KCNMA1: variants seen among roughly 807,000 people sequenced by gnomAD.
KCNMA1 encodes the protein Calcium-activated potassium channel subunit alpha-1.
Under a neutral mutation model 140.0 loss-of-function variants are expected in KCNMA1, and 29 were observed. That is an observed-to-expected ratio of 0.21 (90% CI 0.15 to 0.28). KCNMA1 has a LOEUF of 0.28. KCNMA1 is among the 10% of genes least tolerant of loss of function. The pLI, the probability that KCNMA1 is intolerant of heterozygous loss-of-function variation, is 1.00. For missense variants in KCNMA1, 880 were observed against 1,602.2 expected (o/e 0.55, Z 7.70); for synonymous variants, 612 against 611.9 (o/e 1.00, Z 0.00).
intron 14 of KCNMA1, among the ~76,000 whole-genome samples, chr10:77,046,648 TCTC>T (rs1294915875): frequency 1.3e-5 from 2 of 152,206 alleles, no homozygotes; most frequent in African/African-American, 4.8e-5. Flanking sequence ...TGTCAGATTC[TCTC>T]CTCCTCTATT....
At chr10:77,284,222 G>T (rs1404872649) in intron 2 of KCNMA1, among the ~76,000 whole-genome samples, 2 of 151,954 alleles carry the variant, frequency 1.3e-5, no homozygotes, top group Admixed American at 6.6e-5. Context: ...AAGAAGAGAG[G>T]TTTCCTATGA....
chr10:77,501,162 T>C (rs2043746760), intron 1 of KCNMA1, among the ~76,000 whole-genome samples: 3 of 152,350 alleles, frequency 2.0e-5, no homozygotes, highest in East Asian at 3.9e-4. Context: ...AACCTCTCTA[T>C]GCCTCCATTA....
chr10:77,109,338 T>A (rs1456812995), intron 8 of KCNMA1, among the ~76,000 whole-genome samples: 2 of 152,140 alleles, frequency 1.3e-5, no homozygotes, highest in Non-Finnish European at 2.9e-5. Flanking sequence ...CATATAAATG[T>A]GCGCACGGTG....
chr10:76,931,623 G>A (rs2059310752), intron 23 of KCNMA1, among the ~76,000 whole-genome samples: 1 of 152,108 alleles, frequency 6.6e-6, no homozygotes, highest in African/African-American at 2.4e-5. Flanking sequence ...CAACATCAGG[G>A]CTCCTACCAC....
chr10:77,301,732 T>C (rs971061043), intron 2 of KCNMA1, among the ~76,000 whole-genome samples: 51 of 151,568 alleles, frequency 3.4e-4, no homozygotes, highest in African/African-American at 1.2e-3. Context: ...CATTTCCACA[T>C]GTATGCAGAT....
intron 9 of KCNMA1, among the ~76,000 whole-genome samples, chr10:77,099,604 C>T (rs146067279): frequency 0.01 from 1,584 of 151,912 alleles, 15 homozygotes; most frequent in Non-Finnish European, 0.016. Context: ...ATCCCAGCTA[C>T]TCGAGGGGCT....
chr10:77,501,053 A>G (rs961391353), intron 1 of KCNMA1, among the ~76,000 whole-genome samples: 2 of 152,254 alleles, frequency 1.3e-5, no homozygotes, highest in Admixed American at 1.3e-4. Flanking sequence ...CTCAAGGCTA[A>G]GACCCACCAA....
Position 77,123,526 on chromosome 10 carries a change from G to A in KCNMA1, c.809-2478C>T, listed in dbSNP as rs151290555. Among the ~76,000 whole-genome samples, 1,466 of 152,200 alleles carry A rather than the reference G, an allele frequency of 9.6e-3. 28 individuals are homozygous for A. The highest frequency in any genetic ancestry group is 0.034 in the African/African-American group (1,401 of 41,498). On this transcript the variant is annotated intron_variant, in intron 5 of 27. Transcript: ENST00000286628. ...CATACCAGTATCACTGTCGCATATT[G>A]CTGAGCTAAAACGACAAATGTAGAA...
intron 1 of KCNMA1, among the ~76,000 whole-genome samples, chr10:77,451,883 T>TAAGAAA (rs1375115242): frequency 6.6e-6 from 1 of 152,192 alleles, no homozygotes; most frequent in East Asian, 1.9e-4. Context: ...TTGAAATGTA[T>TAAGAAA]AAGACTTTCA....
chr10:77,414,802 T>C (rs1400356166), intron 1 of KCNMA1, among the ~76,000 whole-genome samples: 4 of 152,138 alleles, frequency 2.6e-5, no homozygotes, highest in Non-Finnish European at 5.9e-5. Flanking sequence ...AAGGTAGGAA[T>C]GTCATGAGGC....
intron 1 of KCNMA1, among the ~76,000 whole-genome samples, chr10:77,620,089 G>T (rs1034239956): frequency 6.6e-6 from 1 of 152,232 alleles, no homozygotes; most frequent in Non-Finnish European, 1.5e-5. Flanking sequence ...GCTCCTGACC[G>T]TGAGGGGTCA....
chr10:77,487,718 G>T (rs2098477628), intron 1 of KCNMA1, among the ~76,000 whole-genome samples: 1 of 152,178 alleles, frequency 6.6e-6, no homozygotes, highest in Non-Finnish European at 1.5e-5. Context: ...TTTAAAAATT[G>T]TTAATTAAGG....
intron 5 of KCNMA1, among the ~76,000 whole-genome samples, chr10:77,158,926 T>C (rs996259041): frequency 6.6e-6 from 1 of 152,218 alleles, no homozygotes; most frequent in African/African-American, 2.4e-5. Flanking sequence ...GCAAGAACTG[T>C]GGTAATAACC....
At chr10:77,237,794 G>A (rs978807262) in intron 3 of KCNMA1, among the ~76,000 whole-genome samples, 1 of 152,154 alleles carries the variant, frequency 6.6e-6, no homozygotes, top group Non-Finnish European at 1.5e-5. Flanking sequence ...GAGTGGAAAG[G>A]GCACAGATGA....
intron 2 of KCNMA1, among the ~76,000 whole-genome samples, chr10:77,384,032 C>A (rs1232071882): frequency 1.3e-5 from 2 of 152,218 alleles, no homozygotes; most frequent in Non-Finnish European, 2.9e-5. Context: ...CTCTCTGGGG[C>A]AGTTTGCGAT....
At chr10:77,492,002 A>G (rs1162186893) in intron 1 of KCNMA1, among the ~76,000 whole-genome samples, 4 of 152,132 alleles carry the variant, frequency 2.6e-5, no homozygotes, top group African/African-American at 9.7e-5. Flanking sequence ...ATGGGCGAGC[A>G]TCTTGTACGC....
intron 16 of KCNMA1, among the ~76,000 whole-genome samples, chr10:77,025,281 T>TATATATATATATATAC (rs1394239548): frequency 2.2e-4 from 27 of 122,194 alleles, no homozygotes; most frequent in Non-Finnish European, 4.0e-4. Flanking sequence ...TATATATATA[T>TATATATATATATATAC]ACACACACAC....
At chr10:77,161,973 A>T (rs1293299264) in intron 5 of KCNMA1, among the ~76,000 whole-genome samples, 2 of 152,246 alleles carry the variant, frequency 1.3e-5, no homozygotes, top group African/African-American at 4.8e-5. Context: ...GTATCTATTG[A>T]GTGAATCATT....
chr10:77,157,147 A>T (rs894613302), intron 5 of KCNMA1, among the ~76,000 whole-genome samples: 5 of 152,152 alleles, frequency 3.3e-5, no homozygotes, highest in African/African-American at 1.2e-4. Context: ...TTTATTTTTT[A>T]AAAAAACATG....
Sources: gnomAD v4.1 joint callset for allele counts (sites outside exome capture counted in the v4.1 genomes callset) on GRCh38, gnomAD v4.1.1 for gene constraint, MANE v1.5 for transcripts, NCBI Gene and HGNC (gene_info 2026-07-23, HGNC 2026-07-21) for gene names.